Variants in NDUFS1 observed in about 807,000 individuals in gnomAD.
NDUFS1 encodes NADH-ubiquinone oxidoreductase 75 kDa subunit, mitochondrial.
A neutral mutation model predicts 84.4 loss-of-function variants in NDUFS1; 61 were observed. The observed-to-expected ratio is 0.72, with a 90% CI of 0.59 to 0.89. The LOEUF (loss-of-function observed/expected upper bound fraction) is 0.89, where lower values mean the gene tolerates loss of function less well. NDUFS1 is among the 40% of genes least tolerant of loss of function. NDUFS1 has a pLI of 0.00. For missense variants in NDUFS1, 891 were observed against 890.0 expected (o/e 1.00, Z -0.01); for synonymous variants, 275 against 290.0 (o/e 0.95, Z 0.53).
At position 206,117,276 on chromosome 2, in the gene NDUFS1, T is replaced by C. The variant is rs1303889344; in HGVS notation, c.*6909A>G. ...ACAACTAGACATGCCCACTGTGTTA[T>C]GTACTTACCTCTATTAGAATATGTT... On this transcript the variant is annotated 3_prime_UTR_variant, in exon 19 of 19. Transcript: ENST00000233190. The C allele has an allele frequency of 1.3e-5, 2 of 152,278 alleles. No individual in the cohort carries two copies. The highest frequency in any genetic ancestry group is 6.5e-5 in the Admixed American group (1 of 15,282). 9.4% of individuals were successfully genotyped at this position (152,278 alleles called of 1,614,324 possible). A position where few individuals can be genotyped will look rare whatever the true frequency, so the allele number is the denominator to read the frequency against.
At chr2:206,142,937 T>C (rs1692019604) in intron 10 of NDUFS1, 106 bp from the exon 11 acceptor site, 9 of 1,459,670 alleles carry the variant, frequency 6.2e-6, no homozygotes, top group Non-Finnish European at 6.6e-6. Context: ...ACAAAAAAAG[T>C]TAACAGACTT....
In NDUFS1 at chr2:206,147,581, T is replaced by C. The variant is rs765712128; in HGVS notation, c.501A>G (p.Pro167=). The part of the protein sequence containing the change: ...KRAVEDKNIG[P]LVKTIMTRCI... ...ATCTTGTCATGATGGTCTTTACCAATGGCCCAATGTTCTTGTCTTCCACAG... is the reference window on the plus strand; with the variant it reads ...ATCTTGTCATGATGGTCTTTACCAACGGCCCAATGTTCTTGTCTTCCACAG... The change falls in exon 7 of 19, where the codon CCA becomes CCG. Residue 167 remains proline, a synonymous_variant. Coordinates refer to ENST00000233190, the MANE Select transcript of NDUFS1 (RefSeq NM_005006.7). 2 of 1,614,206 alleles carry C rather than the reference T, an allele frequency of 1.2e-6. No individual in the cohort carries two copies. The highest frequency in any genetic ancestry group is 2.2e-5 in the East Asian group (1 of 44,880).
chr2:206,156,059 C>T (rs1240767487), intron 1 of NDUFS1, among the ~76,000 whole-genome samples: 12 of 150,900 alleles, frequency 8.0e-5, no homozygotes, highest in Admixed American at 4.6e-4. Context: ...GTCAAGAGAT[C>T]GAAACCATCC....
In NDUFS1 at chr2:206,117,934, T is replaced by A. The variant is rs1193264568; in HGVS notation, c.*6251A>T. 1 of 152,254 alleles carries A rather than the reference T, an allele frequency of 6.6e-6. No homozygotes were observed. The highest frequency in any genetic ancestry group is 6.5e-5 in the Admixed American group (1 of 15,286). 9.4% of individuals were successfully genotyped at this position (152,254 alleles called of 1,614,324 possible). On this transcript the variant is annotated 3_prime_UTR_variant, in exon 19 of 19. Coordinates refer to ENST00000233190, the MANE Select transcript of NDUFS1 (RefSeq NM_005006.7). ...GAAATTAATAAGTTATTCATCTCAG[T>A]ATCTCTTTAGGTGCCAATACTGTAA...
chr2:206,129,251 G>A (rs1350821941), intron 15 of NDUFS1, among the ~76,000 whole-genome samples: 3 of 152,056 alleles, frequency 2.0e-5, no homozygotes, highest in Non-Finnish European at 4.4e-5. Flanking sequence ...CAGGATTTTA[G>A]TTTATTTTGT....
intron 14 of NDUFS1, 79 bp downstream of exon 14, chr2:206,132,866 T>C: frequency 7.7e-7 from 1 of 1,294,032 alleles, no homozygotes; most frequent in South Asian, 1.2e-5. Context: ...GTAAATTAAA[T>C]TTAACAGTGT....
Position 206,126,797 on chromosome 2 carries a change from G to C in NDUFS1, c.1932C>G (p.Asn644Lys). The change falls in exon 17 of 19, where the codon AAC becomes AAG. Residue 644 changes from asparagine to lysine, a missense_variant. Transcript: ENST00000233190. The stretch of plus-strand genomic sequence containing the variant: ...GATTAGGAGAGACTTCTTCCAATCT[G>C]TTCCTTACTTGATCCAGAGTATCAT... ...LPYDTLDQVR[N>K]RLEEVSPNLV... 6.2e-7 allele frequency: 1 copy of C among 1,614,120 alleles called. No homozygotes were observed. Among genetic ancestry groups the C allele is most frequent in the Non-Finnish European group, 8.5e-7 (1 of 1,179,998 alleles).
At chr2:206,146,783 A>C in intron 8 of NDUFS1, 120 bp downstream of exon 8, 2 of 939,390 alleles carry the variant, frequency 2.1e-6, no homozygotes, top group Non-Finnish European at 3.3e-6. Flanking sequence ...GGTTTTACAT[A>C]AACAAACAAA....
chr2:206,133,255 T>C (rs1008130079), intron 13 of NDUFS1, 150 bp from the exon 14 acceptor site: 3 of 646,928 alleles, frequency 4.6e-6, no homozygotes, highest in South Asian at 4.0e-5. Context: ...GACACACATA[T>C]ACAACCAGAT....
At position 206,133,402 on chromosome 2, in the gene NDUFS1, G is replaced by A. The variant is rs146865572; in HGVS notation, c.1393-297C>T. ...CTGTGGTCAGAATAACTATGGGCAGGTCCCAGAAAAATTGGGGAACTTCTC... is the reference window on the plus strand; with the variant it reads ...CTGTGGTCAGAATAACTATGGGCAGATCCCAGAAAAATTGGGGAACTTCTC... On this transcript the variant is annotated intron_variant, in intron 13 of 18. Coordinates refer to ENST00000233190, the MANE Select transcript of NDUFS1 (RefSeq NM_005006.7). Among the ~76,000 whole-genome samples, 27 of 152,256 alleles carry A rather than the reference G, an allele frequency of 1.8e-4. No individual in the cohort carries two copies. In the East Asian group the frequency reaches 5.2e-3, roughly 29 times the overall value.
intron 18 of NDUFS1, 118 bp from the exon 19 acceptor site, chr2:206,124,394 T>C (rs1691202779): frequency 2.7e-6 from 2 of 742,792 alleles, no homozygotes; most frequent in Non-Finnish European, 4.7e-6. Flanking sequence ...TATGCAAGTA[T>C]ATATAATTAT....
At position 206,120,769 on chromosome 2, in the gene NDUFS1, T is replaced by C. The variant is rs1397712599; in HGVS notation, c.*3416A>G. ...GTTTGGAAAATTCACAGACTAGTCA[T>C]GTGGCAGAGAAGGAAAAAGCACTTT... On this transcript the variant is annotated 3_prime_UTR_variant, in exon 19 of 19. Coordinates refer to ENST00000233190, the MANE Select transcript of NDUFS1 (RefSeq NM_005006.7). 2 of 152,240 alleles carry C rather than the reference T, an allele frequency of 1.3e-5. No homozygotes were observed. The highest frequency in any genetic ancestry group is 3.9e-4 in the East Asian group (2 of 5,190). 9.4% of individuals were successfully genotyped at this position (152,240 alleles called of 1,614,324 possible).
chr2:206,129,976 G>T, intron 15 of NDUFS1, 112 bp downstream of exon 15: 1 of 1,314,204 alleles, frequency 7.6e-7, no homozygotes, highest in Non-Finnish European at 1.1e-6. Flanking sequence ...GAGTGGGGGA[G>T]GCAAAATTCT....
chr2:206,137,992 T>TA (rs1691785189), intron 13 of NDUFS1, among the ~76,000 whole-genome samples: 1 of 152,210 alleles, frequency 6.6e-6, no homozygotes, highest in Admixed American at 6.5e-5. Context: ...GCTCTCTACA[T>TA]AAATGGAGAG....
rs114402169 is a variant in NDUFS1 at position 206,123,759 on chromosome 2, A to C, written c.*426T>G. 519 of 166,192 alleles carry C rather than the reference A, an allele frequency of 3.1e-3. 6 individuals carry two copies. Among genetic ancestry groups the C allele is most frequent in the African/African-American group, 0.012 (496 of 41,676 alleles). The allele number at this position is 166,192 out of a possible 1,614,324, so 10.3% of individuals were successfully genotyped here. A position where few individuals can be genotyped will look rare whatever the true frequency, so the allele number is the denominator to read the frequency against. On this transcript the variant is annotated 3_prime_UTR_variant, in exon 19 of 19. Coordinates refer to ENST00000233190, the MANE Select transcript of NDUFS1 (RefSeq NM_005006.7). ...TATAATTATCCTAGATACATATCTG[A>C]GCATGATTATGTATTTTTCCTATTT... is the stretch of plus-strand genomic sequence containing the variant.
chr2:206,129,169 A>G (rs920300727), intron 15 of NDUFS1, among the ~76,000 whole-genome samples: 5 of 152,250 alleles, frequency 3.3e-5, no homozygotes, highest in African/African-American at 4.8e-5. Context: ...GCACATTTGT[A>G]TATGCGTATG....
Position 206,130,020 on chromosome 2 carries a change from A to G in NDUFS1, c.1708+68T>C. Reference sequence around the variant, plus strand: ...AAACATTCAGTTCACTAAATATATTACTAAATGGTTTCTAACATACATAAT... The same window carrying G: ...AAACATTCAGTTCACTAAATATATTGCTAAATGGTTTCTAACATACATAAT... On this transcript the variant is annotated intron_variant, in intron 15 of 18. Coordinates refer to ENST00000233190, the MANE Select transcript of NDUFS1 (RefSeq NM_005006.7). 3.2e-6 allele frequency: 5 copies of G among 1,582,926 alleles called. No homozygotes were observed. The South Asian group carries it at 5.5e-5, about 18-fold the overall frequency.
chr2:206,128,333 T>C (rs1691373861), intron 15 of NDUFS1, among the ~76,000 whole-genome samples: 1 of 151,938 alleles, frequency 6.6e-6, no homozygotes, highest in Non-Finnish European at 1.5e-5. Flanking sequence ...ACTCAGCTAA[T>C]TTTTTGTATT....
rs532704906 is a variant in NDUFS1, at chr2:206,116,377, A to C, written c.*7808T>G. On this transcript the variant is annotated 3_prime_UTR_variant, in exon 19 of 19. Transcript: ENST00000233190. ...ATTTTGTCCCAACTTCAGGCAGATT[A>C]CAGTAACCAGACGGCGCCCATCCCA... 1 of 825,414 alleles carries C rather than the reference A, an allele frequency of 1.2e-6. No individual in the cohort carries two copies. Among genetic ancestry groups the C allele is most frequent in the Non-Finnish European group, 2.1e-6 (1 of 472,312 alleles). 51.1% of individuals were successfully genotyped at this position (825,414 alleles called of 1,614,324 possible).
Sources: gnomAD v4.1 joint callset for allele counts (sites outside exome capture counted in the v4.1 genomes callset) on GRCh38, gnomAD v4.1.1 for gene constraint, MANE v1.5 for transcripts, NCBI Gene and HGNC (gene_info 2026-07-23, HGNC 2026-07-21) for gene names.